The following RAI14 variants were observed in gnomAD, a reference collection of about 807,000 sequenced individuals.
The protein encoded by RAI14 is retinoic acid induced 14.
RAI14 carries 45 observed loss-of-function variants against 115.4 expected under a neutral mutation model. That is an observed-to-expected ratio of 0.39 (90% confidence interval 0.31 to 0.50). The LOEUF is 0.50. Ranked by LOEUF, RAI14 falls within the 20% of genes least tolerant of loss-of-function variation. The pLI is 0.85. For synonymous variants in RAI14, 371 were observed against 415.4 expected, an observed-to-expected ratio of 0.89 and a Z score of 1.30; for missense variants, 939 against 1,131.2, an observed-to-expected ratio of 0.83 and a Z score of 2.44.
At chr5:34,758,127 T>C (rs1212821162) in intron 3 of RAI14, among the ~76,000 whole-genome samples, 1 of 152,202 alleles carries the variant, frequency 6.6e-6, no homozygotes, top group African/African-American at 2.4e-5. Flanking sequence ...CATTCTTACG[T>C]TGGCAGTGTT....
rs764536172 is a variant in RAI14 at position 34,823,008 on chromosome 5, C to A, written c.1166C>A (p.Ser389Tyr). Residue 389 changes from serine (S) to tyrosine (Y), a missense_variant, in exon 15 of 18, where the codon TCC becomes TAC. Coordinates refer to ENST00000265109, the MANE Select transcript of RAI14 (RefSeq NM_015577.3). The surrounding 1 kb of genome is among the most constrained non-coding windows in gnomAD (Gnocchi z 4.5). The stretch of plus-strand genomic sequence containing the variant: ...GACCTAAGCTTTGACTCATACCATT[C>A]CACCCAAACTGACTTGGGCCCATCC... ...EADLSFDSYH[S>Y]TQTDLGPSLG... 1.9e-6 allele frequency: 3 copies of A among 1,614,038 alleles called. No individual in the cohort carries two copies. Among genetic ancestry groups the A allele is most frequent in the Non-Finnish European group, 2.5e-6 (3 of 1,179,996 alleles).
intron 2 of RAI14, among the ~76,000 whole-genome samples, chr5:34,752,030 G>T (rs747321028): frequency 6.6e-6 from 1 of 152,148 alleles, no homozygotes; most frequent in Non-Finnish European, 1.5e-5. Flanking sequence ...TGCTAGATGG[G>T]GCTTGGGAGT....
chr5:34,784,858 G>A (rs953704225), intron 3 of RAI14, among the ~76,000 whole-genome samples: 3 of 152,308 alleles, frequency 2.0e-5, no homozygotes, highest in African/African-American at 4.8e-5. Context: ...TCATGGCATA[G>A]GTAGGAATGC....
At chr5:34,761,463 G>A (rs1748642842) in intron 3 of RAI14, among the ~76,000 whole-genome samples, 1 of 152,210 alleles carries the variant, frequency 6.6e-6, no homozygotes, top group African/African-American at 2.4e-5. Context: ...ACAGGCATGA[G>A]CCACCATTCC....
intron 13 of RAI14, among the ~76,000 whole-genome samples, chr5:34,820,567 G>A (rs1234584680): frequency 6.6e-6 from 1 of 152,162 alleles, no homozygotes; most frequent in Non-Finnish European, 1.5e-5. Context: ...AGCCGAGATC[G>A]TGCCACTGCA....
intron 2 of RAI14, among the ~76,000 whole-genome samples, chr5:34,750,848 A>ATT (rs869028180): frequency 1.2e-3 from 98 of 83,616 alleles, no homozygotes; most frequent in East Asian, 3.2e-3. Context: ...TTGCTTTATC[A>ATT]TTTTTTTTTT....
At chr5:34,720,690 G>T (rs1165340268) in intron 2 of RAI14, among the ~76,000 whole-genome samples, 1 of 151,948 alleles carries the variant, frequency 6.6e-6, no homozygotes, top group Non-Finnish European at 1.5e-5. Flanking sequence ...GATTACAGGC[G>T]TGAGCCACCG....
In RAI14 at chr5:34,821,743, T is replaced by C; in HGVS notation, c.1006T>C (p.Leu336=). 6.2e-7 allele frequency: 1 copy of C among 1,601,184 alleles called. No individual in the cohort carries two copies. Among genetic ancestry groups the C allele is most frequent in the Middle Eastern group, 1.7e-4 (1 of 6,030 alleles). ...LSDSTTGADS[L]LDISSEADQQ... ...TTCTCTTTCCCAAGGTGCTGATAGC[T>C]TATTGGATATAAGTTCTGAAGCTGA... is the stretch of plus-strand genomic sequence containing the variant. The change falls in exon 14 of 18, where the codon TTA becomes CTA. Residue 336 remains leucine (L), a synonymous_variant. Coordinates refer to ENST00000265109, the MANE Select transcript of RAI14 (RefSeq NM_015577.3).
At chr5:34,659,774 G>T (rs1742553189) in intron 1 of RAI14, among the ~76,000 whole-genome samples, 1 of 152,180 alleles carries the variant, frequency 6.6e-6, no homozygotes, top group African/African-American at 2.4e-5. Context: ...TATTTAGGGT[G>T]CTTGTATGGT....
At chr5:34,786,463 C>A (rs1157152444) in intron 3 of RAI14, among the ~76,000 whole-genome samples, 3 of 152,172 alleles carry the variant, frequency 2.0e-5, no homozygotes, top group Middle Eastern at 3.2e-3. Context: ...TCCTCCTTTG[C>A]CACTTTAGCT....
intron 16 of RAI14, among the ~76,000 whole-genome samples, chr5:34,829,178 TACACACACAC>T (rs144038064): frequency 6.7e-6 from 1 of 150,364 alleles, no homozygotes; most frequent in Non-Finnish European, 1.5e-5. Flanking sequence ...CACACACACA[TACACACACAC>T]ATATATATAT....
chr5:34,808,003 A>G (rs1457573187), intron 6 of RAI14, 146 bp downstream of exon 6: 10 of 713,576 alleles, frequency 1.4e-5, no homozygotes, highest in Non-Finnish European at 2.2e-5. Flanking sequence ...CTCTGTTTGT[A>G]AAACATACAC....
At chr5:34,675,445 T>C (rs1743908275) in intron 1 of RAI14, among the ~76,000 whole-genome samples, 1 of 152,204 alleles carries the variant, frequency 6.6e-6, no homozygotes, top group Admixed American at 6.5e-5. Context: ...TTACCTTTTC[T>C]GGATGTGTCT....
intron 2 of RAI14, among the ~76,000 whole-genome samples, chr5:34,725,977 AAG>A (rs1561281780): frequency 1.3e-5 from 2 of 151,864 alleles, no homozygotes; most frequent in Non-Finnish European, 2.9e-5. Flanking sequence ...AAAAAAAAAA[AAG>A]CCACAAATAC....
chr5:34,751,671 C>T (rs72730564), intron 2 of RAI14, among the ~76,000 whole-genome samples: 16,377 of 152,076 alleles, frequency 0.11, 972 homozygotes, highest in South Asian at 0.19. Flanking sequence ...ATTTATCCGT[C>T]GTTTGTTATT....
chr5:34,753,829 G>A (rs557300728), intron 2 of RAI14, among the ~76,000 whole-genome samples: 29 of 151,218 alleles, frequency 1.9e-4, no homozygotes, highest in African/African-American at 6.6e-4. Flanking sequence ...CAGGAAAATC[G>A]CTTGAACCCA....
chr5:34,706,467 CT>C (rs1311872694), intron 2 of RAI14, among the ~76,000 whole-genome samples: 1 of 152,098 alleles, frequency 6.6e-6, no homozygotes, highest in East Asian at 1.9e-4. Context: ...TTTGAGGGTT[CT>C]TGCTCAAAAT....
In RAI14 at chr5:34,812,089, T is replaced by C. The variant is rs558604883; in HGVS notation, c.737-91T>C. On this transcript the variant is annotated intron_variant, in intron 9 of 17. Transcript: ENST00000265109. ...AAAAAAGGAGTGTTAAAAAATATTG[T>C]ATATGGTGTATGTGTGTGTATCCCC... 50 of 1,324,826 alleles carry C rather than the reference T, an allele frequency of 3.8e-5. No individual in the cohort carries two copies. The African/African-American group carries it at 6.4e-4, about 17-fold the overall frequency. The allele number at this position is 1,324,826 out of a possible 1,614,324, so 82.1% of individuals were successfully genotyped here.
intron 3 of RAI14, among the ~76,000 whole-genome samples, chr5:34,789,796 C>G (rs1461329909): frequency 3.9e-5 from 6 of 152,156 alleles, no homozygotes; most frequent in Non-Finnish European, 1.5e-5. Context: ...TGCTTTTACA[C>G]ATAATTCTTG....
Sources: gnomAD v4.1 joint callset for allele counts (sites outside exome capture counted in the v4.1 genomes callset) on GRCh38, gnomAD v4.1.1 for gene constraint, Gnocchi (gnomAD v3.1) non-coding constraint, MANE v1.5 for transcripts, NCBI Gene and HGNC (gene_info 2026-07-23, HGNC 2026-07-21) for gene names.